The following PCDH9 variants were observed in gnomAD, a reference collection of about 807,000 sequenced individuals.
PCDH9 encodes protocadherin 9.
Under a neutral mutation model 70.6 loss-of-function variants are expected in PCDH9, and 24 were observed. The ratio of observed to expected loss-of-function variants is 0.34; its 90% confidence interval spans 0.25 to 0.48. The LOEUF (loss-of-function observed/expected upper bound fraction) is 0.48, where lower values mean the gene tolerates loss of function less well. Among genes scored for constraint, PCDH9 ranks in the 20% least tolerant of loss-of-function variants. PCDH9 has a pLI of 0.99. For missense variants in PCDH9, 1,281 were observed against 1,503.6 expected (o/e 0.85, Z 2.45); for synonymous variants, 562 against 558.5 (o/e 1.01, Z -0.09).
Position 66,698,895 on chromosome 13 carries a change from C to CTTTTTTTTTTTT in PCDH9, c.3139-67496_3139-67485dup, listed in dbSNP as rs67333897. Among the ~76,000 whole-genome samples, 12 of 61,134 alleles carry CTTTTTTTTTTTT rather than the reference C, an allele frequency of 2.0e-4. 1 individual carries two copies. Among genetic ancestry groups the CTTTTTTTTTTTT allele is most frequent in the African/African-American group, 2.2e-4 (4 of 18,268 alleles). The allele number at this position is 61,134 out of a possible 152,430, so 40.1% of individuals were successfully genotyped here. A position where few individuals can be genotyped will look rare whatever the true frequency, so the allele number is the denominator to read the frequency against. On this transcript the variant is annotated intron_variant, in intron 3 of 4. Transcript: ENST00000377865. ...AGACACTTCGCCCGGCTCAATTCCT[C>CTTTTTTTTTTTT]TTTTTTTTTTTTTTTTTTTTTTGTT...
At chr13:66,812,583 C>G (rs2080528705) in intron 3 of PCDH9, among the ~76,000 whole-genome samples, 1 of 152,030 alleles carries the variant, frequency 6.6e-6, no homozygotes, top group African/African-American at 2.4e-5. Context: ...ACTGTTGGAG[C>G]CTGAGGGGAT....
intron 3 of PCDH9, among the ~76,000 whole-genome samples, chr13:66,782,318 A>G (rs950718446): frequency 2.0e-5 from 3 of 152,192 alleles, no homozygotes; most frequent in Middle Eastern, 3.2e-3. Flanking sequence ...TCCTAGTCCA[A>G]CAAAAGAACT....
chr13:67,039,599 A>G (rs1217851019), intron 2 of PCDH9, among the ~76,000 whole-genome samples: 1 of 152,144 alleles, frequency 6.6e-6, no homozygotes, highest in African/African-American at 2.4e-5. Context: ...TCAGCTTTCC[A>G]TTGTGTGTGG....
chr13:67,204,165 T>C (rs1373650072), intron 2 of PCDH9: 2 of 152,084 alleles, frequency 1.3e-5, no homozygotes, highest in Non-Finnish European at 2.9e-5. Context: ...TCTAAACAGT[T>C]TTAAGAGATA....
intron 4 of PCDH9, among the ~76,000 whole-genome samples, chr13:66,428,403 C>T (rs116512363): frequency 0.016 from 2,495 of 151,564 alleles, 49 homozygotes; most frequent in East Asian, 0.061. Flanking sequence ...ATTTATAGCC[C>T]ACTGGAACTA....
intron 4 of PCDH9, among the ~76,000 whole-genome samples, chr13:66,543,566 C>CAA (rs200986497): frequency 1.5e-4 from 20 of 134,782 alleles, no homozygotes; most frequent in Non-Finnish European, 2.6e-4. Context: ...GACTCCGTTT[C>CAA]AAAAAAAAAA....
At chr13:66,368,924 A>G (rs575726086) in intron 4 of PCDH9, among the ~76,000 whole-genome samples, 5 of 152,254 alleles carry the variant, frequency 3.3e-5, no homozygotes, top group Admixed American at 2.6e-4. Context: ...GGCATGGGAA[A>G]GAACTGCCCC....
At chr13:66,787,957 A>G (rs1403750764) in intron 3 of PCDH9, among the ~76,000 whole-genome samples, 2 of 152,112 alleles carry the variant, frequency 1.3e-5, no homozygotes, top group African/African-American at 4.8e-5. Context: ...ACCTTTTTGT[A>G]CCCTCATTTT....
At chr13:66,542,925 T>C (rs1268301668) in intron 4 of PCDH9, among the ~76,000 whole-genome samples, 1 of 151,194 alleles carries the variant, frequency 6.6e-6, no homozygotes, top group African/African-American at 2.4e-5. Flanking sequence ...ATAGTCATCA[T>C]AATAAAGGAA....
At chr13:67,119,459 T>G (rs1338684531) in intron 2 of PCDH9, among the ~76,000 whole-genome samples, 1 of 152,130 alleles carries the variant, frequency 6.6e-6, no homozygotes, top group Non-Finnish European at 1.5e-5. Context: ...AAAATAACTT[T>G]CAAACATATT....
chr13:66,554,038 A>T (rs1318144522), intron 4 of PCDH9, among the ~76,000 whole-genome samples: 1 of 152,168 alleles, frequency 6.6e-6, no homozygotes, highest in African/African-American at 2.4e-5. Flanking sequence ...GAGATGCATA[A>T]ATGATGTCAA....
At chr13:66,748,773 T>C (rs1220387888) in intron 3 of PCDH9, among the ~76,000 whole-genome samples, 1 of 152,158 alleles carries the variant, frequency 6.6e-6, no homozygotes, top group Non-Finnish European at 1.5e-5. Context: ...CATAAAACAC[T>C]CAGCTATATA....
intron 2 of PCDH9, among the ~76,000 whole-genome samples, chr13:66,999,981 G>A (rs1053978830): frequency 2.0e-5 from 3 of 151,972 alleles, no homozygotes; most frequent in Admixed American, 6.6e-5. Context: ...CCCATTACTG[G>A]GTATATACCC....
intron 3 of PCDH9, among the ~76,000 whole-genome samples, chr13:66,726,512 G>C (rs982653133): frequency 6.6e-6 from 1 of 152,160 alleles, no homozygotes; most frequent in African/African-American, 2.4e-5. Flanking sequence ...CAAGTCCCTA[G>C]AGGCACACTA....
intron 2 of PCDH9, among the ~76,000 whole-genome samples, chr13:67,188,436 C>A (rs1253185148): frequency 6.6e-6 from 1 of 151,924 alleles, no homozygotes; most frequent in South Asian, 2.1e-4. Flanking sequence ...AGAAAATAAT[C>A]TTAAAGGTAT....
chr13:66,985,617 T>C (rs2083876368), intron 2 of PCDH9: 1 of 152,126 alleles, frequency 6.6e-6, no homozygotes. Context: ...GGATAGCTCA[T>C]TTGCATGACT....
intron 3 of PCDH9, among the ~76,000 whole-genome samples, chr13:66,678,725 G>C (rs1046530546): frequency 1.3e-5 from 2 of 151,766 alleles, no homozygotes; most frequent in Non-Finnish European, 2.9e-5. Context: ...AAAAAATTCT[G>C]TTGATATTGG....
At chr13:66,566,818 G>A (rs1488674180) in intron 4 of PCDH9, among the ~76,000 whole-genome samples, 9 of 151,842 alleles carry the variant, frequency 5.9e-5, no homozygotes, top group Non-Finnish European at 1.3e-4. Flanking sequence ...AAAAAATCAT[G>A]CTTAAATTTT....
rs1056846011 is a variant in PCDH9, at chr13:66,609,582, A to G, written c.3340+21628T>C. ...TTTATACTTTATATATGCATTTGGC[A>G]TATATAAAGCAGATTTTTTTGAATA... On this transcript the variant is annotated intron_variant, in intron 4 of 4. Coordinates refer to ENST00000377865, the MANE Select transcript of PCDH9 (RefSeq NM_203487.3). 3.9e-5 allele frequency among the ~76,000 whole-genome samples: 6 copies of G among 152,238 alleles called. No homozygotes were observed. The South Asian group carries it at 6.2e-4, about 16-fold the overall frequency.
Sources: allele counts gnomAD v4.1 joint callset (sites outside exome capture counted in the v4.1 genomes callset), GRCh38; gene constraint gnomAD v4.1.1; transcripts MANE v1.5; gene names NCBI Gene and HGNC (gene_info 2026-07-23, HGNC 2026-07-21).